Variants in HDLBP observed in about 807,000 individuals in gnomAD.
HDLBP encodes the protein vigilin.
Under a neutral mutation model 137.3 loss-of-function variants are expected in HDLBP, and 30 were observed. That is an observed-to-expected ratio of 0.22 (90% CI 0.16 to 0.30). HDLBP has a LOEUF of 0.30. Ranked by LOEUF, HDLBP falls within the 10% of genes least tolerant of loss-of-function variation. The pLI, the probability that HDLBP is intolerant of heterozygous loss-of-function variation, is 1.00. For missense variants in HDLBP, 1,119 were observed against 1,667.3 expected (o/e 0.67, Z 5.73); for synonymous variants, 606 against 596.0 (o/e 1.02, Z -0.24).
Position 241,230,186 on chromosome 2 carries a change from G to C in HDLBP, c.3558C>G (p.Ala1186=). 1 of 1,613,734 alleles carries C rather than the reference G, an allele frequency of 6.2e-7. No individual in the cohort carries two copies. The highest frequency in any genetic ancestry group is 2.2e-5 in the East Asian group (1 of 44,864). The change falls in exon 26 of 28, where the codon GCC becomes GCG. Residue 1186 remains alanine, a synonymous_variant. Coordinates refer to ENST00000310931, the MANE Select transcript of HDLBP (RefSeq NM_005336.6). This position sits in a 1 kb window ranked among gnomAD's most constrained non-coding sequence, Gnocchi z 5.0. The stretch of plus-strand genomic sequence containing the variant: ...CCTCCAGATTGAGGATGTGGTCGAT[G>C]GCTTCCTCCACATTCTCTGGGAGCC... ...VTGLPENVEE[A]IDHILNLEEE... is the part of the protein sequence containing the mutation.
chr2:241,241,566 CAAAAAAAAAAAAAAAAAAA>C (rs56864201), intron 17 of HDLBP, among the ~76,000 whole-genome samples: 926 of 31,486 alleles, frequency 0.029, 21 homozygotes, highest in Admixed American at 0.054. Context: ...GACTCCGTCT[CAAAAAAAAAAAAAAAAAAA>C]AAAAAAAAAA....
intron 1 of HDLBP, among the ~76,000 whole-genome samples, chr2:241,294,291 C>G (rs1395379188): frequency 2.0e-5 from 3 of 152,106 alleles, no homozygotes; most frequent in Non-Finnish European, 2.9e-5. Context: ...CCAACCAGGT[C>G]CACCCATGCA....
chr2:241,282,543 T>G (rs752151602), intron 1 of HDLBP, among the ~76,000 whole-genome samples: 9 of 152,210 alleles, frequency 5.9e-5, no homozygotes, highest in Non-Finnish European at 1.3e-4. Flanking sequence ...TTACTTGGGT[T>G]TTTTAGACAT....
chr2:241,236,216 C>T (rs1001984818), intron 21 of HDLBP: 8 of 251,182 alleles, frequency 3.2e-5, no homozygotes, highest in African/African-American at 1.1e-4. Context: ...GCATCCAGTA[C>T]GCAGGTGGCA....
intron 4 of HDLBP, among the ~76,000 whole-genome samples, chr2:241,263,861 C>T (rs1307873383): frequency 2.6e-5 from 4 of 152,088 alleles, no homozygotes; most frequent in Admixed American, 1.3e-4. Flanking sequence ...AAAACGACCA[C>T]GTGCCTGTCC....
chr2:241,295,963 T>C (rs1465359479), intron 1 of HDLBP, among the ~76,000 whole-genome samples: 1 of 152,152 alleles, frequency 6.6e-6, no homozygotes, highest in East Asian at 1.9e-4. Context: ...ATTCCTGTTG[T>C]AAGCCACCAA....
intron 2 of HDLBP, chr2:241,267,785 A>ATCCACACTGACTGGTTATTCTCCCATCCC: frequency 6.7e-7 from 1 of 1,498,000 alleles, no homozygotes; most frequent in Non-Finnish European, 8.9e-7. Context: ...AATGCCCTTG[A>ATCCACACTGACTGGTTATTCTCCCATCCC]TCCACACTGA....
Position 241,229,604 on chromosome 2 carries a change from T to C in HDLBP, c.3804A>G (p.Arg1268=). ...AGGGTTCTGTTCTTTTTGATCATTA[T>C]CGTTTGGGGCCCCAAGGGAGGGTCT... is the stretch of plus-strand genomic sequence containing the variant. The part of the protein sequence containing the change: ...APKTLPWGPK[R] The change falls in exon 28 of 28, where the codon CGA becomes CGG. Residue 1268 remains arginine, a synonymous_variant. Transcript: ENST00000310931. 6.2e-7 allele frequency: 1 copy of C among 1,612,660 alleles called. No homozygotes were observed.
At position 241,229,471 on chromosome 2, in the gene HDLBP, C is replaced by G; in HGVS notation, c.*130G>C. 7.2e-6 allele frequency: 5 copies of G among 693,712 alleles called. No homozygotes were observed. Among genetic ancestry groups the G allele is most frequent in the Non-Finnish European group, 9.8e-6 (4 of 408,846 alleles). The allele number at this position is 693,712 out of a possible 1,614,324, so 43.0% of individuals were successfully genotyped here. ...ACACAGCCAGGCGCTAGGCTCCCTG[C>G]GGGACCTCGGGAAGGGGGAAGAGCG... On this transcript the variant is annotated 3_prime_UTR_variant, in exon 28 of 28. Transcript: ENST00000310931.
chr2:241,255,182 T>TG (rs2072517128), intron 8 of HDLBP, 24 bp from the exon 9 acceptor site: 1 of 1,603,832 alleles, frequency 6.2e-7, no homozygotes, highest in East Asian at 2.2e-5. Flanking sequence ...AGAACAGCCA[T>TG]GGGTTTGCAG....
chr2:241,235,078 A>C (rs1300664668), intron 23 of HDLBP, 43 bp downstream of exon 23: 1 of 1,601,890 alleles, frequency 6.2e-7, no homozygotes, highest in Non-Finnish European at 8.5e-7. Flanking sequence ...CCCAAAGCTG[A>C]GCACCATGGC....
Position 241,240,309 on chromosome 2 carries a change from C to G in HDLBP, c.2170-187G>C. 1 of 641,144 alleles carries G rather than the reference C, an allele frequency of 1.6e-6. No homozygotes were observed. Among genetic ancestry groups the G allele is most frequent in the South Asian group, 1.8e-5 (1 of 56,608 alleles). 39.7% of individuals were successfully genotyped at this position (641,144 alleles called of 1,614,324 possible). Reference sequence around the variant, plus strand: ...CTGAATAAACAGATGAATACCCAGACTGCACACCTACTTCTCTTCCACAAC... The same window carrying G: ...CTGAATAAACAGATGAATACCCAGAGTGCACACCTACTTCTCTTCCACAAC... On this transcript the variant is annotated intron_variant, in intron 17 of 27. Transcript: ENST00000310931. The surrounding 1 kb of genome is among the most constrained non-coding windows in gnomAD (Gnocchi z 5.5).
rs2071984999 is a variant in HDLBP, at chr2:241,249,837, T to G, written c.1512+4A>C. ...TTTCTAGAGGGCCCAGCCATGGCAC[T>G]TACCATGCGAGATGCAAGCTCCAGC... On this transcript the variant is annotated splice_donor_region_variant and intron_variant, in intron 12 of 27. Transcript: ENST00000310931. The G allele has an allele frequency of 6.2e-7, 1 of 1,600,694 alleles. No individual in the cohort carries two copies. The highest frequency in any genetic ancestry group is 1.3e-5 in the African/African-American group (1 of 74,402).
chr2:241,252,157 G>C (rs1208518272), intron 11 of HDLBP, among the ~76,000 whole-genome samples: 1 of 152,098 alleles, frequency 6.6e-6, no homozygotes, highest in African/African-American at 2.4e-5. Flanking sequence ...CCTACAACCT[G>C]GCACAGGTGA....
At chr2:241,266,345 C>T (rs2073674711) in intron 3 of HDLBP, among the ~76,000 whole-genome samples, 1 of 152,112 alleles carries the variant, frequency 6.6e-6, no homozygotes, top group Non-Finnish European at 1.5e-5. Context: ...AAATTGTACA[C>T]GTGGCTTGTA....
At chr2:241,270,977 C>T in intron 1 of HDLBP, 1 of 984,810 alleles carries the variant, frequency 1.0e-6, no homozygotes, top group Non-Finnish European at 1.2e-6. Flanking sequence ...TTAATACCAC[C>T]AGGGACAGGA....
chr2:241,247,516 C>T, intron 14 of HDLBP: 1 of 287,840 alleles, frequency 3.5e-6, no homozygotes, highest in South Asian at 4.9e-5. Context: ...TTCACCATCG[C>T]CTCTCCCAGG....
At position 241,241,124 on chromosome 2, in the gene HDLBP, T is replaced by A. The variant is rs138290763; in HGVS notation, c.2170-1002A>T. 8.5e-4 allele frequency among the ~76,000 whole-genome samples: 129 copies of A among 152,058 alleles called. 2 individuals carry two copies. The highest frequency in any genetic ancestry group is 2.1e-3 in the South Asian group (10 of 4,808). ...GACAACCTACCAAACCAAGCAGGGA[T>A]TACCCCAGAAACGCAAGGCTGGTTA... is the stretch of plus-strand genomic sequence containing the variant. On this transcript the variant is annotated intron_variant, in intron 17 of 27. Transcript: ENST00000310931.
At chr2:241,273,327 G>A in intron 1 of HDLBP, 1 of 797,958 alleles carries the variant, frequency 1.3e-6, no homozygotes, top group Non-Finnish European at 1.5e-6. Context: ...ATCCCCACCC[G>A]ATTCCTTGGC....
Sources: gnomAD v4.1 joint callset for allele counts (sites outside exome capture counted in the v4.1 genomes callset) on GRCh38, gnomAD v4.1.1 for gene constraint, Gnocchi (gnomAD v3.1) non-coding constraint, MANE v1.5 for transcripts, NCBI Gene and HGNC (gene_info 2026-07-23, HGNC 2026-07-21) for gene names.